RBM10: variants seen among roughly 807,000 people sequenced by gnomAD.
The protein encoded by RBM10 is RNA binding motif protein 10, also known as RNA-binding protein 10.
Under a neutral mutation model 84.9 loss-of-function variants are expected in RBM10, and 1 was observed. The ratio of observed to expected loss-of-function variants is 0.01; its 90% confidence interval spans 0.00 to 0.06. RBM10 has a LOEUF of 0.06. RBM10 is among the 10% of genes least tolerant of loss of function. RBM10 has a pLI of 1.00. For missense variants in RBM10, 438 were observed against 839.0 expected, an observed-to-expected ratio of 0.52 and a Z score of 5.90; for synonymous variants, 326 against 344.5, an observed-to-expected ratio of 0.95 and a Z score of 0.60.
intron 7 of RBM10, among the ~76,000 whole-genome samples, chrX:47,178,458 C>T (rs1318899276): frequency 9.0e-6 from 1 of 111,637 alleles, no homozygotes; most frequent in Non-Finnish European, 1.9e-5. Flanking sequence ...CCATGCAGAC[C>T]GACCTGCCCC....
intron 3 of RBM10, among the ~76,000 whole-genome samples, chrX:47,169,707 G>T (rs1477297258): frequency 1.8e-5 from 2 of 111,947 alleles, no homozygotes; most frequent in Admixed American, 9.4e-5. Flanking sequence ...CCACATGCTT[G>T]GCTCTGTACT....
chrX:47,180,160 G>A (rs915183785), intron 10 of RBM10, 52 bp from the exon 11 acceptor site: 5 of 1,171,410 alleles, frequency 4.3e-6, no homozygotes, highest in African/African-American at 1.8e-5. Flanking sequence ...CAATGGAGCC[G>A]GGGGCCTCCC....
chrX:47,150,719 A>T (rs1231238412), intron 2 of RBM10, among the ~76,000 whole-genome samples: 1 of 112,096 alleles, frequency 8.9e-6, no homozygotes, highest in Non-Finnish European at 1.9e-5. Context: ...TTCTTGTGCC[A>T]GCACCTTACT....
intron 3 of RBM10, 42 bp downstream of exon 3, chrX:47,169,540 C>T (rs1359791278): frequency 8.7e-7 from 1 of 1,146,540 alleles, no homozygotes; most frequent in African/African-American, 1.8e-5. Context: ...CTGGGATGGG[C>T]TCCCAAGGGC....
intron 6 of RBM10, 41 bp from the exon 7 acceptor site, chrX:47,176,459 A>G (rs782813724): frequency 8.3e-7 from 1 of 1,209,457 alleles, no homozygotes; most frequent in African/African-American, 1.7e-5. Flanking sequence ...TGCGTGGGGC[A>G]CTGCTGCCTG....
At chrX:47,178,229 C>T (rs1046360142) in intron 7 of RBM10, among the ~76,000 whole-genome samples, 5 of 111,614 alleles carry the variant, frequency 4.5e-5, no homozygotes, top group Non-Finnish European at 9.4e-5. Flanking sequence ...GGCTTCCTTC[C>T]CCGGCCTTGG....
rs2147190074 is a variant in RBM10 at position 47,181,641 on chromosome X, A to T, written c.1570A>T (p.Ser524Cys). 8.3e-7 allele frequency: 1 copy of T among 1,206,691 alleles called. No homozygotes were observed. Among genetic ancestry groups the T allele is most frequent in the Non-Finnish European group, 1.1e-6 (1 of 893,686 alleles). Residue 524 changes from serine (S) to cysteine (C), a missense_variant, in exon 14 of 24, where the codon AGC becomes TGC. Physicochemically the swap from Ser to Cys is moderately radical, Grantham distance 112 (BLOSUM62 -1). Transcript: ENST00000377604. ...ASSSQGTAAN[S>C]QSYTIMSPAV... The stretch of plus-strand genomic sequence containing the variant: ...CAGTAGCCAGGGCACTGCTGCCAAC[A>T]GCCAGGTGAGTGAGCCCTGTGGGTA...
intron 2 of RBM10, among the ~76,000 whole-genome samples, chrX:47,156,448 C>T (rs911832397): frequency 9.0e-6 from 1 of 111,125 alleles, no homozygotes; most frequent in Non-Finnish European, 1.9e-5. Flanking sequence ...TTTTTCCTAA[C>T]GCTGGACCAC....
intron 2 of RBM10, among the ~76,000 whole-genome samples, chrX:47,165,205 G>T (rs1289627745): frequency 4.5e-5 from 5 of 111,774 alleles, no homozygotes; most frequent in African/African-American, 1.3e-4. Context: ...TATACTTAAT[G>T]CCACTGAATT....
At position 47,161,092 on chromosome X, in the gene RBM10, T is replaced by C. The variant is rs148059886; in HGVS notation, c.18-8223T>C. On this transcript the variant is annotated intron_variant, in intron 2 of 23. Transcript: ENST00000377604. ...CACCTCAGCCTCACACACAGCTAAT[T>C]TCTTTCTTTCTTTCTTTCTTTTTTT... is the stretch of plus-strand genomic sequence containing the variant. Among the ~76,000 whole-genome samples the C allele has an allele frequency of 5.7e-3, 624 of 110,303 alleles. 4 individuals are homozygous for C. Among genetic ancestry groups the C allele is most frequent in the African/African-American group, 0.02 (596 of 30,321 alleles).
In RBM10 at chrX:47,173,135, G is replaced by A. The variant is rs2147142302; in HGVS notation, c.440G>A (p.Gly147Asp). 1 of 1,212,276 alleles carries A rather than the reference G, an allele frequency of 8.2e-7. No homozygotes were observed. Among genetic ancestry groups the A allele is most frequent in the Non-Finnish European group, 1.1e-6 (1 of 895,616 alleles). ...PQAATEDDIR[G>D]QLQSHGVQAR... The stretch of plus-strand genomic sequence containing the variant: ...CTGTATCTCCCCGTATAGATCCGTG[G>A]CCAGCTGCAGTCGCACGGCGTGCAA... Residue 147 changes from glycine (G) to aspartate (D), a missense_variant, in exon 5 of 24, where the codon GGC becomes GAC. By Grantham distance (94) the Gly-to-Asp change is moderately conservative. This residue lies in a region of RBM10 where 28 missense variants were observed against 98.6 expected (regional missense o/e 0.28). Coordinates refer to ENST00000377604, the MANE Select transcript of RBM10 (RefSeq NM_005676.5).
intron 17 of RBM10, among the ~76,000 whole-genome samples, chrX:47,183,869 T>C (rs1602599049): frequency 1.8e-5 from 2 of 108,259 alleles, no homozygotes; most frequent in Admixed American, 2.0e-4. Context: ...GCTAATTTTT[T>C]TGTAATTTTA....
chrX:47,176,714 GTCTC>G (rs59489451), intron 7 of RBM10, 128 bp downstream of exon 7: 4,357 of 920,548 alleles, frequency 4.7e-3, no homozygotes, highest in Non-Finnish European at 5.3e-3. Context: ...CTCTCCCTCT[GTCTC>G]TCTCTCTCTC....
At chrX:47,171,374 C>G (rs1934659666) in intron 4 of RBM10, 116 bp downstream of exon 4, 1 of 1,054,908 alleles carries the variant, frequency 9.5e-7, no homozygotes, top group Non-Finnish European at 1.3e-6. Flanking sequence ...CCTTCTCCCC[C>G]TCCAGCTCCT....
chrX:47,149,194 T>C lies in RBM10; in HGVS notation c.17+1696T>C, dbSNP rs1451863687. ...AGAGTGGGAGGTTTTTTTTGTTTTT[T>C]GTTTTTTGTTTTGAGACAGGGTGTC... On this transcript the variant is annotated intron_variant, in intron 2 of 23. Coordinates refer to ENST00000377604, the MANE Select transcript of RBM10 (RefSeq NM_005676.5). Among the ~76,000 whole-genome samples, 5 of 111,568 alleles carry C rather than the reference T, an allele frequency of 4.5e-5. No individual in the cohort carries two copies. In the Admixed American group the frequency reaches 4.8e-4, roughly 11 times the overall value.
chrX:47,185,012 G>A (rs925909023), intron 17 of RBM10, 43 bp from the exon 18 acceptor site: 1 of 1,185,375 alleles, frequency 8.4e-7, no homozygotes, highest in East Asian at 3.1e-5. Context: ...TAGCCCCAGG[G>A]TCATGAGGGT....
rs2147156036 is a variant in RBM10 at position 47,176,506 on chromosome X, C to T, written c.583C>T (p.Leu195Phe). 2 of 1,211,681 alleles carry T rather than the reference C, an allele frequency of 1.7e-6. No individual in the cohort carries two copies. The highest frequency in any genetic ancestry group is 2.2e-6 in the Non-Finnish European group (2 of 895,532). The change falls in exon 7 of 24, where the codon CTC becomes TTC. Residue 195 changes from leucine (L) to phenylalanine (F), a missense_variant. By Grantham distance (22) the Leu-to-Phe change is conservative. Around this residue, in one of 8 missense-constraint regions of RBM10, gnomAD observed 28 missense variants for 98.6 expected, o/e 0.28. Coordinates refer to ENST00000377604, the MANE Select transcript of RBM10 (RefSeq NM_005676.5). Reference sequence around the variant, plus strand: ...GCTCTGCTTTTTCCCGCAGCACTCCCTCAACATCCTGGGCCAGAAGGTGTC... The same window carrying T: ...GCTCTGCTTTTTCCCGCAGCACTCCTTCAACATCCTGGGCCAGAAGGTGTC... ...TRWMEANQHS[L>F]NILGQKVSMH...
At chrX:47,161,018 C>T (rs182643953) in intron 2 of RBM10, among the ~76,000 whole-genome samples, 11 of 111,656 alleles carry the variant, frequency 9.9e-5, no homozygotes, top group African/African-American at 3.6e-4. Flanking sequence ...TGCAGTGGCG[C>T]GATCAGAGCT....
At chrX:47,151,555 T>C (rs1602494151) in intron 2 of RBM10, among the ~76,000 whole-genome samples, 1 of 112,136 alleles carries the variant, frequency 8.9e-6, no homozygotes, top group African/African-American at 3.2e-5. Context: ...GTATAAGTGA[T>C]ACTGGGTACA....
Sources: allele counts gnomAD v4.1 joint callset (sites outside exome capture counted in the v4.1 genomes callset), GRCh38; gene constraint gnomAD v4.1.1; regional missense constraint gnomAD v4.1.1; transcripts MANE v1.5; gene names NCBI Gene and HGNC (gene_info 2026-07-23, HGNC 2026-07-21).